Variants in DDR2 observed in about 807,000 individuals in gnomAD.
DDR2 encodes discoidin domain-containing receptor 2.
Under a neutral mutation model 94.9 loss-of-function variants are expected in DDR2, and 27 were observed. That is an observed-to-expected ratio of 0.28 (90% CI 0.21 to 0.39). The LOEUF (loss-of-function observed/expected upper bound fraction) is 0.39, where lower values mean the gene tolerates loss of function less well. Among genes scored for constraint, DDR2 ranks in the 10% least tolerant of loss-of-function variants. The pLI is 1.00. For synonymous variants in DDR2, 382 were observed against 377.2 expected, an observed-to-expected ratio of 1.01 and a Z score of -0.15; for missense variants, 783 against 1,076.0, an observed-to-expected ratio of 0.73 and a Z score of 3.81.
In DDR2 at chr1:162,759,889, C is replaced by T. The variant is rs375604173; in HGVS notation, c.765C>T (p.Asp255=). 710 of 1,614,066 alleles carry T rather than the reference C, an allele frequency of 4.4e-4. No homozygotes were observed. Among genetic ancestry groups the T allele is most frequent in the Non-Finnish European group, 5.7e-4 (670 of 1,180,034 alleles). ...THEYHVWPGY[D]YVGWRNESAT... is the part of the protein sequence containing the mutation. Reference sequence around the variant, plus strand: ...AATACCACGTGTGGCCCGGCTATGACTATGTGGGCTGGCGGAACGAGAGTG... The same window carrying T: ...AATACCACGTGTGGCCCGGCTATGATTATGTGGGCTGGCGGAACGAGAGTG... Residue 255 remains aspartate (D), a synonymous_variant, in exon 8 of 18, where the codon GAC becomes GAT. Transcript: ENST00000367921.
chr1:162,684,263 CCTTCCTT>C (rs1378839334), intron 2 of DDR2, among the ~76,000 whole-genome samples: 1 of 152,024 alleles, frequency 6.6e-6, no homozygotes, highest in Non-Finnish European at 1.5e-5. Flanking sequence ...AAGGGAACAT[CCTTCCTT>C]CTTCCTTCCA....
intron 3 of DDR2, among the ~76,000 whole-genome samples, chr1:162,748,797 C>A (rs1042162905): frequency 2.0e-5 from 3 of 152,192 alleles, no homozygotes; most frequent in African/African-American, 4.8e-5. Context: ...GAAACTATAA[C>A]AAACTCTGTC....
rs1198255053 is a variant in DDR2 at position 162,708,758 on chromosome 1, T to C, written c.-27-10279T>C. On this transcript the variant is annotated intron_variant, in intron 2 of 17. Coordinates refer to ENST00000367921, the MANE Select transcript of DDR2 (RefSeq NM_006182.4). ...CCTGGTCAAAGGCAGGAAGTTTGTA[T>C]TGTTGTTCTTGCCTATTTTACTATC... Among the ~76,000 whole-genome samples the C allele has an allele frequency of 2.6e-5, 4 of 152,222 alleles. No individual in the cohort carries two copies. In the East Asian group the frequency reaches 5.8e-4, roughly 22 times the overall value.
chr1:162,671,203 T>C (rs1658823054), intron 2 of DDR2, among the ~76,000 whole-genome samples: 1 of 152,074 alleles, frequency 6.6e-6, no homozygotes, highest in South Asian at 2.1e-4. Flanking sequence ...TGGGGCACAG[T>C]AGAAATGGCA....
At chr1:162,724,435 T>C (rs1222296991) in intron 3 of DDR2, among the ~76,000 whole-genome samples, 2 of 152,100 alleles carry the variant, frequency 1.3e-5, no homozygotes, top group East Asian at 3.9e-4. Context: ...TCATGCTAAA[T>C]GAGGAAGGCT....
chr1:162,718,914 A>G, intron 2 of DDR2, 123 bp from the exon 3 acceptor site: 1 of 981,078 alleles, frequency 1.0e-6, no homozygotes, highest in Non-Finnish European at 1.6e-6. Context: ...CCATATATAA[A>G]AACAAACACT....
Position 162,780,105 on chromosome 1 carries a change from C to T in DDR2, c.2434-7C>T, listed in dbSNP as rs753311229. On this transcript the variant is annotated splice_polypyrimidine_tract_variant and splice_region_variant and intron_variant, in intron 17 of 17. Transcript: ENST00000367921. ...TCTTTTGTTTTCCTTTATTTTTGTT[C>T]CCAAAGACTTACCTCCCTCAACCAG... 3 of 1,613,758 alleles carry T rather than the reference C, an allele frequency of 1.9e-6. No homozygotes were observed. Among genetic ancestry groups the T allele is most frequent in the South Asian group, 2.2e-5 (2 of 91,072 alleles).
intron 2 of DDR2, among the ~76,000 whole-genome samples, chr1:162,660,718 A>G (rs10799859): frequency 0.83 from 126,458 of 152,198 alleles, 53,200 homozygotes; most frequent in Middle Eastern, 0.93. Flanking sequence ...ACACTTCTGC[A>G]CAGAACAGAT....
chr1:162,755,462 G>A (rs548980606), intron 6 of DDR2, among the ~76,000 whole-genome samples, 159 bp downstream of exon 6: 9 of 152,316 alleles, frequency 5.9e-5, no homozygotes, highest in Admixed American at 5.2e-4. Context: ...TTAACCCAGG[G>A]CTTAGGGCCC....
rs1300118147 is a variant in DDR2 at position 162,787,224 on chromosome 1, C to T, written c.*6978C>T. The T allele has an allele frequency of 5.3e-5, 8 of 151,978 alleles. No individual in the cohort carries two copies. The East Asian group carries it at 1.4e-3, about 26-fold the overall frequency. The allele number at this position is 151,978 out of a possible 1,614,324, so 9.4% of individuals were successfully genotyped here. ...TGGGATCATTGTGTACCCTATTGTTCTTCTGATTTCCAGGAGAACAGAATG... is the reference window on the plus strand; with the variant it reads ...TGGGATCATTGTGTACCCTATTGTTTTTCTGATTTCCAGGAGAACAGAATG... On this transcript the variant is annotated 3_prime_UTR_variant, in exon 18 of 18. Coordinates refer to ENST00000367921, the MANE Select transcript of DDR2 (RefSeq NM_006182.4).
chr1:162,774,981 A>G (rs1434520339), intron 14 of DDR2, among the ~76,000 whole-genome samples: 2 of 152,142 alleles, frequency 1.3e-5, no homozygotes, highest in Non-Finnish European at 2.9e-5. Context: ...CACTAACAAA[A>G]TCTTGCTACT....
At chr1:162,680,494 T>C (rs1342324702) in intron 2 of DDR2, among the ~76,000 whole-genome samples, 1 of 152,242 alleles carries the variant, frequency 6.6e-6, no homozygotes. Context: ...TTGGTCTATA[T>C]GTCTGTTTCT....
chr1:162,656,833 G>GTTTTTTTTTTTTTGTTTTTTTTTT (rs1657992378), intron 2 of DDR2, among the ~76,000 whole-genome samples: 1 of 65,682 alleles, frequency 1.5e-5, no homozygotes, highest in Admixed American at 2.4e-4. Flanking sequence ...TGCCACTGGA[G>GTTTTTTTTTTTTTGTTTTTTTTTT]TTTTTTTTTT....
chr1:162,720,439 T>A lies in DDR2; in HGVS notation c.82+1294T>A, dbSNP rs186555471. Among the ~76,000 whole-genome samples the A allele has an allele frequency of 1.2e-4, 18 of 149,372 alleles. No individual in the cohort carries two copies. In the East Asian group the frequency reaches 3.8e-3, roughly 31 times the overall value. On this transcript the variant is annotated intron_variant, in intron 3 of 17. Transcript: ENST00000367921. ...ATAAATACTCTTTGTGTCTGGCTTC[T>A]TTCACTCAACATTTTGTTTATGAAA...
Position 162,783,378 on chromosome 1 carries a change from T to G in DDR2, c.*3132T>G, listed in dbSNP as rs1160148948. On this transcript the variant is annotated 3_prime_UTR_variant, in exon 18 of 18. Transcript: ENST00000367921. Reference sequence around the variant, plus strand: ...TATAAGACTGTATAAAGAAGAGGACTGTGTGCAAGTGGGGTGAAAAAAAAG... The same window carrying G: ...TATAAGACTGTATAAAGAAGAGGACGGTGTGCAAGTGGGGTGAAAAAAAAG... 6.6e-6 allele frequency: 1 copy of G among 152,008 alleles called. No homozygotes were observed. The highest frequency in any genetic ancestry group is 1.5e-5 in the Non-Finnish European group (1 of 68,016). 9.4% of individuals were successfully genotyped at this position (152,008 alleles called of 1,614,324 possible).
At chr1:162,658,833 T>A (rs1402794999) in intron 2 of DDR2, among the ~76,000 whole-genome samples, 3 of 142,408 alleles carry the variant, frequency 2.1e-5, no homozygotes, top group South Asian at 2.2e-4. Flanking sequence ...TCTCAAAAAA[T>A]AAATAAATAA....
At chr1:162,693,691 T>C (rs1290367993) in intron 2 of DDR2, among the ~76,000 whole-genome samples, 1 of 152,082 alleles carries the variant, frequency 6.6e-6, no homozygotes, top group African/African-American at 2.4e-5. Flanking sequence ...CTAGGTGTTG[T>C]TTTATATGGG....
chr1:162,752,570 G>A (rs941318122), intron 3 of DDR2, among the ~76,000 whole-genome samples: 46 of 152,196 alleles, frequency 3.0e-4, no homozygotes, highest in African/African-American at 1.1e-3. Context: ...ATTGTTTATA[G>A]CCAGGAGCCA....
chr1:162,655,613 T>G (rs1011882879), intron 2 of DDR2, among the ~76,000 whole-genome samples: 1 of 152,202 alleles, frequency 6.6e-6, no homozygotes, highest in African/African-American at 2.4e-5. Context: ...AGCCCTAGAT[T>G]AGAGGGCAGT....
Sources: allele counts gnomAD v4.1 joint callset (sites outside exome capture counted in the v4.1 genomes callset), GRCh38; gene constraint gnomAD v4.1.1; transcripts MANE v1.5; gene names NCBI Gene and HGNC (gene_info 2026-07-23, HGNC 2026-07-21).